The following TSPAN11 variants were observed in gnomAD, a reference collection of about 807,000 sequenced individuals.
The protein encoded by TSPAN11 is tetraspanin 11.
In TSPAN11, 29 loss-of-function variants were observed where a neutral mutation model predicts 32.9. The ratio of observed to expected loss-of-function variants is 0.88; its 90% CI spans 0.66 to 1.20. TSPAN11 has a LOEUF of 1.20. Ranked by LOEUF, TSPAN11 falls within the 50% of genes most tolerant of loss-of-function variation. TSPAN11 has a pLI of 0.00. For synonymous variants in TSPAN11, 140 were observed against 141.3 expected, an observed-to-expected ratio of 0.99 and a Z score of 0.07; for missense variants, 283 against 329.1, an observed-to-expected ratio of 0.86 and a Z score of 1.08.
rs1462821696 is a variant in TSPAN11, at chr12:30,995,753, G to A, written c.*3838G>A. On this transcript the variant is annotated 3_prime_UTR_variant, in exon 8 of 8. Coordinates refer to ENST00000546076, the MANE Select transcript of TSPAN11 (RefSeq NM_001370302.1). ...TCTAAACCAGTCGTTCTCAAACTTC[G>A]GTGAGTATCAGAATCACCTGGAAGG... is the stretch of plus-strand genomic sequence containing the variant. The A allele has an allele frequency of 1.3e-5, 2 of 150,934 alleles. No homozygotes were observed. The highest frequency in any genetic ancestry group is 3.4e-3 in the Middle Eastern group (1 of 292). 9.3% of individuals were successfully genotyped at this position (150,934 alleles called of 1,614,324 possible).
intron 1 of TSPAN11, among the ~76,000 whole-genome samples, chr12:30,936,512 G>T (rs1938047839): frequency 6.6e-6 from 1 of 152,194 alleles, no homozygotes; most frequent in Non-Finnish European, 1.5e-5. Flanking sequence ...TAAATGAGGA[G>T]GGCAGCCTCA....
At chr12:31,011,464 A>C in the TSPAN11 span, among the ~76,000 whole-genome samples, 4 of 152,120 alleles carry the variant, frequency 2.6e-5, no homozygotes, top group African/African-American at 9.7e-5. Context: ...ACATTTAACC[A>C]CTTCCATCCC....
chr12:31,009,176 C>T, the TSPAN11 span, among the ~76,000 whole-genome samples: 1 of 152,246 alleles, frequency 6.6e-6, no homozygotes, highest in African/African-American at 2.4e-5. Context: ...CCTCTGCCTC[C>T]AGACCCTGCT....
downstream of TSPAN11, chr12:30,997,652 AACATTGAGAATT>A (rs1264010038): frequency 1.3e-5 from 2 of 152,250 alleles, no homozygotes; most frequent in African/African-American, 4.8e-5. Flanking sequence ...CCCCTCCCCC[AACATTGAGAATT>A]ACAATTTGAC....
chr12:30,979,622 GC>G lies in TSPAN11; in HGVS notation c.411del (p.Gly138GlufsTer169). On this transcript the variant is annotated frameshift_variant, in exon 5 of 8. Transcript: ENST00000546076. LOFTEE classifies it high-confidence loss of function. ...NRTLAENYGQ[P>X]GATQITASVD... Reference sequence around the variant, plus strand: ...GGACTCTGGCTGAGAACTACGGGCAGCCCGGAGCCACGCAGATCACCGCCTC... The same window carrying G: ...GGACTCTGGCTGAGAACTACGGGCAGCCGGAGCCACGCAGATCACCGCCTC... The G allele has an allele frequency of 1.2e-6, 2 of 1,614,166 alleles. No homozygotes were observed. Among genetic ancestry groups the G allele is most frequent in the Non-Finnish European group, 1.7e-6 (2 of 1,180,024 alleles).
At position 30,960,762 on chromosome 12, in the gene TSPAN11, G is replaced by C. The variant is rs1364935881; in HGVS notation, c.85-3064G>C. On this transcript the variant is annotated intron_variant, in intron 2 of 7. Coordinates refer to ENST00000546076, the MANE Select transcript of TSPAN11 (RefSeq NM_001370302.1). ...CTTTGAAAAATGTAGTTATTGCCCA[G>C]GCGCGCTGGCTCACACCTGTAATCC... Among the ~76,000 whole-genome samples the C allele has an allele frequency of 5.3e-5, 8 of 151,970 alleles. No homozygotes were observed. The East Asian group carries it at 1.5e-3, about 29-fold the overall frequency.
intron 1 of TSPAN11, among the ~76,000 whole-genome samples, chr12:30,939,568 T>C (rs574967613): frequency 6.6e-6 from 1 of 152,306 alleles, no homozygotes; most frequent in South Asian, 2.1e-4. Context: ...GTTCTGCCAC[T>C]TTTGATTCTG....
chr12:30,943,296 C>G (rs976365526), intron 1 of TSPAN11, among the ~76,000 whole-genome samples: 1 of 152,180 alleles, frequency 6.6e-6, no homozygotes, highest in African/African-American at 2.4e-5. Flanking sequence ...GTCTGCTCTG[C>G]GTGTCTGGGT....
intron 1 of TSPAN11, among the ~76,000 whole-genome samples, chr12:30,930,796 G>C (rs1288638260): frequency 6.6e-6 from 1 of 152,216 alleles, no homozygotes; most frequent in Non-Finnish European, 1.5e-5. Context: ...GCGTCGGGCT[G>C]GGTAGGCCCC....
the TSPAN11 span, among the ~76,000 whole-genome samples, chr12:31,007,298 C>A: frequency 6.6e-6 from 1 of 152,092 alleles, no homozygotes; most frequent in South Asian, 2.1e-4. Context: ...GGTTCCTGAG[C>A]AGACCACAGC....
At chr12:31,005,235 G>C in the TSPAN11 span, among the ~76,000 whole-genome samples, 1 of 152,186 alleles carries the variant, frequency 6.6e-6, no homozygotes, top group Non-Finnish European at 1.5e-5. Context: ...TAGTATTCCT[G>C]AACAATTAAT....
chr12:30,962,705 G>A (rs934226679), intron 2 of TSPAN11, among the ~76,000 whole-genome samples: 4 of 152,102 alleles, frequency 2.6e-5, no homozygotes, highest in Admixed American at 6.5e-5. Context: ...CTTTGACCAC[G>A]CCCAGGACTC....
chr12:30,981,642 T>C (rs1939095048), intron 5 of TSPAN11, among the ~76,000 whole-genome samples: 1 of 152,172 alleles, frequency 6.6e-6, no homozygotes. Flanking sequence ...GGACAGAGCA[T>C]TAACCCCTTC....
At chr12:31,001,456 T>G (rs1291604829), downstream of TSPAN11, among the ~76,000 whole-genome samples, 4 of 152,320 alleles carry the variant, frequency 2.6e-5, no homozygotes, top group East Asian at 7.7e-4. Flanking sequence ...CCTGCAATCA[T>G]GTTCACTCTT....
chr12:31,011,845 G>A, the TSPAN11 span, among the ~76,000 whole-genome samples: 1 of 152,254 alleles, frequency 6.6e-6, no homozygotes. Context: ...GAAAGTGCTA[G>A]AGAAAAGTTT....
chr12:30,982,380 A>T (rs1360207854), intron 5 of TSPAN11, 152 bp from the exon 6 acceptor site: 2 of 1,173,178 alleles, frequency 1.7e-6, no homozygotes, highest in Non-Finnish European at 2.4e-6. Flanking sequence ...TGCTCAAAGC[A>T]TGGGAAGGGA....
At chr12:30,979,004 G>A in intron 4 of TSPAN11, 1 of 284,824 alleles carries the variant, frequency 3.5e-6, no homozygotes, top group Non-Finnish European at 6.7e-6. Flanking sequence ...ATCGGGCCTT[G>A]CCTGCCTGGA....
the TSPAN11 span, among the ~76,000 whole-genome samples, chr12:31,004,413 C>G: frequency 1.3e-5 from 2 of 152,112 alleles, no homozygotes; most frequent in South Asian, 4.1e-4. Context: ...TGCCACCCAC[C>G]CACTGCTGAT....
At chr12:30,954,165 A>G (rs1234289849) in intron 2 of TSPAN11, 90 bp downstream of exon 2, 1 of 894,920 alleles carries the variant, frequency 1.1e-6, no homozygotes, top group Non-Finnish European at 1.9e-6. Flanking sequence ...TTTGAGGTTG[A>G]TATCTTCCAA....
Sources: allele counts gnomAD v4.1 joint callset (sites outside exome capture counted in the v4.1 genomes callset), GRCh38; gene constraint gnomAD v4.1.1; transcripts MANE v1.5; gene names NCBI Gene and HGNC (gene_info 2026-07-23, HGNC 2026-07-21).